The following NCKAP5 variants were observed in gnomAD, a reference collection of about 807,000 sequenced individuals.
NCKAP5 encodes the protein nck-associated protein 5.
NCKAP5 carries 92 observed loss-of-function variants against 167.0 expected under a neutral mutation model. That is an observed-to-expected ratio of 0.55 (90% CI 0.47 to 0.66). The LOEUF (loss-of-function observed/expected upper bound fraction) is 0.66, where lower values mean the gene tolerates loss of function less well. NCKAP5 is among the 30% of genes least tolerant of loss of function. The probability of loss-of-function intolerance (pLI) is 0.00; values close to 1 mark genes in which losing one functional copy is unlikely to be tolerated. For synonymous variants in NCKAP5, 891 were observed against 877.4 expected (o/e 1.02, Z -0.27); for missense variants, 2,378 against 2,315.0 (o/e 1.03, Z -0.56).
In NCKAP5 at chr2:132,782,375, CACA is replaced by C; in HGVS notation, c.4433_4435del (p.Leu1478del). 1 of 1,614,036 alleles carries C rather than the reference CACA, an allele frequency of 6.2e-7. No homozygotes were observed. Among genetic ancestry groups the C allele is most frequent in the Non-Finnish European group, 8.5e-7 (1 of 1,179,906 alleles). On this transcript the variant is annotated inframe_deletion, in exon 14 of 20. Transcript: ENST00000409261. The stretch of plus-strand genomic sequence containing the variant: ...GCCCTTTTCCACATTTTCCTGAATG[CACA>C]ACATGACCTTTTCTTCGATTGTGGG...
At chr2:133,191,641 C>G (rs1169672665) in intron 5 of NCKAP5, among the ~76,000 whole-genome samples, 1 of 152,074 alleles carries the variant, frequency 6.6e-6, no homozygotes, top group Non-Finnish European at 1.5e-5. Flanking sequence ...AGCTGGAAAC[C>G]ATCATTCTGA....
At chr2:133,101,336 C>T (rs368287092) in intron 6 of NCKAP5, among the ~76,000 whole-genome samples, 5,609 of 135,396 alleles carry the variant, frequency 0.041, 220 homozygotes, top group African/African-American at 0.13. Flanking sequence ...TCAGGTAGTG[C>T]GATGCCTCCA....
At position 133,026,965 on chromosome 2, in the gene NCKAP5, C is replaced by T. The variant is rs529945005; in HGVS notation, c.342-32726G>A. On this transcript the variant is annotated intron_variant, in intron 6 of 19. Coordinates refer to ENST00000409261, the MANE Select transcript of NCKAP5 (RefSeq NM_207363.3). ...ATTCCTGTCTATGTCACCCAGGATACCCACCAGGGCAGTTCATTCCAATGC... is the reference window on the plus strand; with the variant it reads ...ATTCCTGTCTATGTCACCCAGGATATCCACCAGGGCAGTTCATTCCAATGC... 2.6e-5 allele frequency among the ~76,000 whole-genome samples: 4 copies of T among 152,286 alleles called. No individual in the cohort carries two copies. The East Asian group carries it at 7.7e-4, about 29-fold the overall frequency.
Position 133,178,504 on chromosome 2 carries a change from C to CAA in NCKAP5, c.207+35210_207+35211dup, listed in dbSNP as rs869253241. 4.6e-4 allele frequency among the ~76,000 whole-genome samples: 11 copies of CAA among 23,952 alleles called. 2 individuals carry two copies. The highest frequency in any genetic ancestry group is 2.1e-3 in the African/African-American group (8 of 3,760). The allele number at this position is 23,952 out of a possible 152,430, so 15.7% of individuals were successfully genotyped here. ...TGGGTGACACAATGAGACCCTGTCT[C>CAA]AAAAAAAAAAAAAAAAAAAAAAAAA... On this transcript the variant is annotated intron_variant, in intron 5 of 19. Coordinates refer to ENST00000409261, the MANE Select transcript of NCKAP5 (RefSeq NM_207363.3).
At chr2:133,537,221 T>C (rs928013365) in intron 2 of NCKAP5, among the ~76,000 whole-genome samples, 2 of 152,110 alleles carry the variant, frequency 1.3e-5, no homozygotes, top group African/African-American at 4.8e-5. Flanking sequence ...AGGTTTGAAA[T>C]TGGAGGTGTG....
chr2:133,631,745 C>T, the NCKAP5 span, among the ~76,000 whole-genome samples: 1 of 152,186 alleles, frequency 6.6e-6, no homozygotes, highest in Non-Finnish European at 1.5e-5. Flanking sequence ...CCCCTGCAGA[C>T]CCCTGCATTG....
chr2:133,389,961 T>C (rs1279744420), intron 3 of NCKAP5, among the ~76,000 whole-genome samples: 1 of 152,222 alleles, frequency 6.6e-6, no homozygotes, highest in Non-Finnish European at 1.5e-5. Context: ...ATATCTTGAT[T>C]AGAACAGCCA....
intron 3 of NCKAP5, among the ~76,000 whole-genome samples, chr2:133,367,686 T>C (rs1685540376): frequency 6.6e-6 from 1 of 152,100 alleles, no homozygotes; most frequent in Admixed American, 6.6e-5. Context: ...GAAACACCCC[T>C]AGCAAACATG....
intron 5 of NCKAP5, among the ~76,000 whole-genome samples, chr2:133,173,548 C>T (rs2084334676): frequency 6.6e-6 from 1 of 152,142 alleles, no homozygotes; most frequent in African/African-American, 2.4e-5. Flanking sequence ...CTGTCTTCAG[C>T]AAGAATCCTG....
At chr2:132,985,399 C>T (rs80237575) in intron 7 of NCKAP5, among the ~76,000 whole-genome samples, 9 of 152,026 alleles carry the variant, frequency 5.9e-5, no homozygotes, top group Admixed American at 4.6e-4. Flanking sequence ...TTTGGATGTA[C>T]GAGACAAATA....
At chr2:132,687,485 G>A (rs898492238) in intron 19 of NCKAP5, among the ~76,000 whole-genome samples, 21 of 152,164 alleles carry the variant, frequency 1.4e-4, no homozygotes, top group Admixed American at 2.0e-4. Context: ...TAGTGTGTGC[G>A]GTTTCTCTGC....
intron 11 of NCKAP5, among the ~76,000 whole-genome samples, chr2:132,820,663 A>G (rs1686663762): frequency 6.6e-6 from 1 of 152,188 alleles, no homozygotes; most frequent in Non-Finnish European, 1.5e-5. Flanking sequence ...AAAACCTGAA[A>G]ACATTCACAG....
At position 133,169,074 on chromosome 2, in the gene NCKAP5, A is replaced by T. The variant is rs148039147; in HGVS notation, c.208-38963T>A. ...AGTATTTCAGCATAAGGGGGACTAT[A>T]CAGGAAAAATATACCAGCATCTGTC... On this transcript the variant is annotated intron_variant, in intron 5 of 19. Transcript: ENST00000409261. Among the ~76,000 whole-genome samples, 163 of 152,338 alleles carry T rather than the reference A, an allele frequency of 1.1e-3. 1 individual carries two copies. The highest frequency in any genetic ancestry group is 6.8e-3 in the Middle Eastern group (2 of 294).
At chr2:133,478,604 G>A (rs1054481353) in intron 3 of NCKAP5, among the ~76,000 whole-genome samples, 2 of 152,170 alleles carry the variant, frequency 1.3e-5, no homozygotes, top group African/African-American at 4.8e-5. Context: ...GGCTCATGCA[G>A]ATGCTATAAC....
intron 13 of NCKAP5, among the ~76,000 whole-genome samples, chr2:132,787,030 A>C (rs1683632304): frequency 6.6e-6 from 1 of 152,152 alleles, no homozygotes. Context: ...TGCAGAGTTT[A>C]GGGGGCTGAC....
the NCKAP5 span, among the ~76,000 whole-genome samples, chr2:133,604,025 A>G: frequency 6.6e-6 from 1 of 152,186 alleles, no homozygotes; most frequent in Non-Finnish European, 1.5e-5. Context: ...AGGAGCTATT[A>G]AAGACCACAG....
At chr2:132,923,647 T>A (rs1323998022) in intron 8 of NCKAP5, among the ~76,000 whole-genome samples, 2 of 152,116 alleles carry the variant, frequency 1.3e-5, no homozygotes, top group East Asian at 1.9e-4. Context: ...CTAAAAAAAA[T>A]GCTCAGCACG....
chr2:133,243,224 A>G (rs1282947548), intron 4 of NCKAP5, among the ~76,000 whole-genome samples: 1 of 152,204 alleles, frequency 6.6e-6, no homozygotes, highest in Admixed American at 6.5e-5. Context: ...GCTGCCCAAC[A>G]AAGTTGTACC....
chr2:133,187,801 C>A lies in NCKAP5; in HGVS notation c.207+25915G>T, dbSNP rs994468060. Among the ~76,000 whole-genome samples, 5 of 151,928 alleles carry A rather than the reference C, an allele frequency of 3.3e-5. 1 individual carries two copies. Among genetic ancestry groups the A allele is most frequent in the South Asian group, 4.2e-4 (2 of 4,818 alleles). ...TTTATCAGAGACTAGGATTGCAACA[C>A]CTGCTTTTTTTTGTTTTCCATTTGC... is the stretch of plus-strand genomic sequence containing the variant. On this transcript the variant is annotated intron_variant, in intron 5 of 19. Transcript: ENST00000409261.
Sources: allele counts gnomAD v4.1 joint callset (sites outside exome capture counted in the v4.1 genomes callset), GRCh38; gene constraint gnomAD v4.1.1; transcripts MANE v1.5; gene names NCBI Gene and HGNC (gene_info 2026-07-23, HGNC 2026-07-21).